The following KANSL1L variants were observed in gnomAD, a reference collection of about 807,000 sequenced individuals.
The protein encoded by KANSL1L is KAT8 regulatory NSL complex subunit 1-like protein.
In KANSL1L, 25 loss-of-function variants were observed where a neutral mutation model predicts 108.6. The ratio of observed to expected loss-of-function variants is 0.23; its 90% CI spans 0.17 to 0.32. The LOEUF is 0.32. KANSL1L is among the 10% of genes least tolerant of loss of function. The pLI is 1.00. For synonymous variants in KANSL1L, 405 were observed against 395.1 expected, an observed-to-expected ratio of 1.03 and a Z score of -0.30; for missense variants, 1,137 against 1,125.7, an observed-to-expected ratio of 1.01 and a Z score of -0.14.
At chr2:210,060,480 C>G (rs2094407889) in intron 6 of KANSL1L, among the ~76,000 whole-genome samples, 1 of 152,150 alleles carries the variant, frequency 6.6e-6, no homozygotes, top group African/African-American at 2.4e-5. Flanking sequence ...GGATTACATG[C>G]TAAAATTCAT....
chr2:210,144,649 C>G (rs2095253173), intron 2 of KANSL1L, among the ~76,000 whole-genome samples: 1 of 152,138 alleles, frequency 6.6e-6, no homozygotes, highest in Admixed American at 6.5e-5. Context: ...GAATTTCTGC[C>G]TAGTTACCTT....
Position 210,146,815 on chromosome 2 carries a change from G to A in KANSL1L, c.1088+6680C>T, listed in dbSNP as rs748630723. On this transcript the variant is annotated intron_variant, in intron 2 of 14. Coordinates refer to ENST00000281772, the MANE Select transcript of KANSL1L (RefSeq NM_152519.4). Reference sequence around the variant, plus strand: ...AAATTCATACATATACAAGCAATCTGATGCTTTTTTCATTAAAAACTTCAA... The same window carrying A: ...AAATTCATACATATACAAGCAATCTAATGCTTTTTTCATTAAAAACTTCAA... Among the ~76,000 whole-genome samples the A allele has an allele frequency of 1.6e-4, 24 of 152,284 alleles. No individual in the cohort carries two copies. In the East Asian group the frequency reaches 1.7e-3, roughly 11 times the overall value.
intron 2 of KANSL1L, among the ~76,000 whole-genome samples, chr2:210,141,431 T>C (rs1188124977): frequency 1.3e-5 from 2 of 152,114 alleles, no homozygotes; most frequent in Non-Finnish European, 2.9e-5. Context: ...ATGAGATTAA[T>C]ACTCTTATAA....
At chr2:210,118,871 A>G (rs1287818869) in intron 3 of KANSL1L, among the ~76,000 whole-genome samples, 4 of 151,588 alleles carry the variant, frequency 2.6e-5, no homozygotes, top group Non-Finnish European at 4.4e-5. Context: ...AAAGTCCTCT[A>G]TTAAAGAAAA....
chr2:210,090,750 C>A (rs1043255740), intron 5 of KANSL1L, among the ~76,000 whole-genome samples: 1 of 152,154 alleles, frequency 6.6e-6, no homozygotes, highest in Non-Finnish European at 1.5e-5. Flanking sequence ...CTAGGCTGGT[C>A]TCAAACTCCC....
chr2:210,148,708 T>A (rs116128317), intron 2 of KANSL1L, among the ~76,000 whole-genome samples: 1 of 152,194 alleles, frequency 6.6e-6, no homozygotes, highest in Non-Finnish European at 1.5e-5. Flanking sequence ...ATTTATTGCC[T>A]ACTACATTTT....
chr2:210,068,198 T>G (rs1454375370), intron 6 of KANSL1L, among the ~76,000 whole-genome samples: 1 of 152,184 alleles, frequency 6.6e-6, no homozygotes, highest in Non-Finnish European at 1.5e-5. Flanking sequence ...TTTAAAAAAT[T>G]TATTGTGGTA....
chr2:210,161,194 G>C (rs1268174559), intron 1 of KANSL1L, among the ~76,000 whole-genome samples: 2 of 151,884 alleles, frequency 1.3e-5, no homozygotes, highest in Non-Finnish European at 2.9e-5. Context: ...CACCATGTTG[G>C]CCAGGCTGGT....
rs1415044496 is a variant in KANSL1L at position 210,040,453 on chromosome 2, A to T, written c.1996T>A (p.Phe666Ile). The change falls in exon 8 of 15, where the codon TTT becomes ATT. Residue 666 changes from phenylalanine to isoleucine, a missense_variant. This residue lies in a region of KANSL1L where 575 missense variants were observed against 567.1 expected (regional missense o/e 1.01). Transcript: ENST00000281772. The part of the protein sequence containing the change: ...EIKGNLAENK[F>I]VDEYIISPSP... ...GGAGATATGATATATTCATCTACAAATTTATTTTCAGCAAGATTGCCTTTT... is the reference window on the plus strand; with the variant it reads ...GGAGATATGATATATTCATCTACAATTTTATTTTCAGCAAGATTGCCTTTT... 6.4e-7 allele frequency: 1 copy of T among 1,552,622 alleles called. No individual in the cohort carries two copies. The highest frequency in any genetic ancestry group is 1.7e-5 in the Admixed American group (1 of 58,470).
At chr2:210,115,221 G>C (rs1021478196) in intron 3 of KANSL1L, among the ~76,000 whole-genome samples, 2 of 152,038 alleles carry the variant, frequency 1.3e-5, no homozygotes, top group Admixed American at 6.6e-5. Context: ...ACACAAGTAA[G>C]TTGAAAGTGG....
chr2:210,046,789 A>G (rs566263725), intron 6 of KANSL1L, among the ~76,000 whole-genome samples: 24 of 152,262 alleles, frequency 1.6e-4, no homozygotes, highest in African/African-American at 5.5e-4. Context: ...TTTGCCACAC[A>G]TAGCCTAAGC....
chr2:210,029,708 A>G (rs976472996), intron 10 of KANSL1L, 95 bp downstream of exon 10: 3 of 587,128 alleles, frequency 5.1e-6, no homozygotes, highest in Non-Finnish European at 9.0e-6. Context: ...TGTGCTAGTA[A>G]GGCTGTTATA....
intron 6 of KANSL1L, among the ~76,000 whole-genome samples, chr2:210,067,971 G>C (rs2094479159): frequency 6.6e-6 from 1 of 151,974 alleles, no homozygotes. Flanking sequence ...TCCGCCTCCT[G>C]GGTTCAAGCA....
intron 9 of KANSL1L, 74 bp downstream of exon 9, chr2:210,031,345 TGA>T (rs2094013556): frequency 7.0e-6 from 7 of 1,003,674 alleles, no homozygotes; most frequent in Admixed American, 2.2e-5. Flanking sequence ...TAAACTCCCA[TGA>T]GAGGTTATTT....
rs527950811 is a variant in KANSL1L at position 210,027,450 on chromosome 2, TC to T, written c.2397-101del. Reference sequence around the variant, plus strand: ...AATGTATTAGTGTTTCCTTGGCACTTCCATGGTTCAAATTGTTGTATTTTAA... The same window carrying T: ...AATGTATTAGTGTTTCCTTGGCACTTCATGGTTCAAATTGTTGTATTTTAA... On this transcript the variant is annotated intron_variant, in intron 11 of 14. Transcript: ENST00000281772. The T allele has an allele frequency of 5.4e-6, 4 of 739,226 alleles. No individual in the cohort carries two copies. The South Asian group carries it at 6.5e-5, about 12-fold the overall frequency. 45.8% of individuals were successfully genotyped at this position (739,226 alleles called of 1,614,324 possible).
At chr2:210,028,458 A>AC (rs1460167960) in intron 11 of KANSL1L, 1 of 136,478 alleles carries the variant, frequency 7.3e-6, no homozygotes, top group African/African-American at 2.9e-5. Flanking sequence ...CAGTGTGAAT[A>AC]CCCCATGAAA....
At chr2:210,154,665 A>G in intron 1 of KANSL1L, 54 bp from the exon 2 acceptor site, 2 of 1,182,698 alleles carry the variant, frequency 1.7e-6, no homozygotes, top group Non-Finnish European at 2.2e-6. Context: ...TTTTATGCTT[A>G]TACTTTTTTC....
At chr2:210,045,404 G>A (rs2094213162) in intron 6 of KANSL1L, among the ~76,000 whole-genome samples, 1 of 152,044 alleles carries the variant, frequency 6.6e-6, no homozygotes, top group East Asian at 1.9e-4. Flanking sequence ...GGAAATACTA[G>A]GACATTAGAA....
intron 5 of KANSL1L, among the ~76,000 whole-genome samples, chr2:210,080,963 CA>C (rs2094584918): frequency 6.6e-6 from 1 of 151,842 alleles, no homozygotes. Flanking sequence ...AAAAATCAGC[CA>C]GGCGTGGTGG....
Sources: gnomAD v4.1 joint callset for allele counts (sites outside exome capture counted in the v4.1 genomes callset) on GRCh38, gnomAD v4.1.1 for gene constraint, gnomAD v4.1.1 regional missense constraint, MANE v1.5 for transcripts, NCBI Gene and HGNC (gene_info 2026-07-23, HGNC 2026-07-21) for gene names.